CHRM3: variants seen among roughly 807,000 people sequenced by gnomAD.
CHRM3 encodes the protein muscarinic acetylcholine receptor M3.
CHRM3 carries 11 observed loss-of-function variants against 41.8 expected under a neutral mutation model. The ratio of observed to expected loss-of-function variants is 0.26; its 90% CI spans 0.17 to 0.44. The LOEUF is 0.44. CHRM3 is among the 20% of genes least tolerant of loss of function. The pLI is 1.00. For missense variants in CHRM3, 571 were observed against 745.4 expected, an observed-to-expected ratio of 0.77 and a Z score of 2.72; for synonymous variants, 297 against 301.4, an observed-to-expected ratio of 0.99 and a Z score of 0.15.
Position 239,914,617 on chromosome 1 carries a change from A to G in CHRM3, c.*5393A>G, listed in dbSNP as rs1431481420. On this transcript the variant is annotated 3_prime_UTR_variant, in exon 7 of 7. Transcript: ENST00000676153. ...TTACTGGATTGGTCAACAAAGACAA[A>G]CTTTTTATTGTATAAAACAGTAGAA... 1 of 167,074 alleles carries G rather than the reference A, an allele frequency of 6.0e-6. No individual in the cohort carries two copies. The highest frequency in any genetic ancestry group is 1.5e-5 in the Non-Finnish European group (1 of 68,108). The allele number at this position is 167,074 out of a possible 1,614,324, so 10.3% of individuals were successfully genotyped here.
chr1:239,903,628 T>C (rs1679746942), intron 6 of CHRM3, among the ~76,000 whole-genome samples: 1 of 152,088 alleles, frequency 6.6e-6, no homozygotes, highest in Non-Finnish European at 1.5e-5. Flanking sequence ...TAAATTCAGG[T>C]TTCAAAGGAC....
intron 4 of CHRM3, among the ~76,000 whole-genome samples, chr1:239,656,045 C>T (rs1352180072): frequency 3.3e-5 from 5 of 151,946 alleles, no homozygotes; most frequent in Non-Finnish European, 7.4e-5. Context: ...TGAATTAATG[C>T]AGAAATAGAA....
intron 1 of CHRM3, among the ~76,000 whole-genome samples, chr1:239,434,295 C>G (rs2103196535): frequency 6.6e-6 from 1 of 152,318 alleles, no homozygotes; most frequent in East Asian, 1.9e-4. Context: ...TGATCTCAGA[C>G]TCCATGTCTT....
intron 3 of CHRM3, among the ~76,000 whole-genome samples, chr1:239,602,403 T>C (rs988425966): frequency 6.6e-6 from 1 of 152,192 alleles, no homozygotes; most frequent in South Asian, 2.1e-4. Context: ...AGATTTTCAT[T>C]AGTGATGCAT....
chr1:239,845,914 A>C (rs1674224298), intron 6 of CHRM3, among the ~76,000 whole-genome samples: 1 of 152,192 alleles, frequency 6.6e-6, no homozygotes, highest in Admixed American at 6.5e-5. Context: ...ATAGAATTAG[A>C]CCTGAAGTTA....
At chr1:239,824,033 G>T (rs1034639315) in intron 5 of CHRM3, among the ~76,000 whole-genome samples, 1 of 151,990 alleles carries the variant, frequency 6.6e-6, no homozygotes, top group Non-Finnish European at 1.5e-5. Context: ...GCTGTGACTC[G>T]GGAGCATGTG....
chr1:239,793,653 A>T (rs1436304429), intron 5 of CHRM3, among the ~76,000 whole-genome samples: 1 of 152,116 alleles, frequency 6.6e-6, no homozygotes, highest in Admixed American at 6.5e-5. Context: ...GCATGAAAAC[A>T]TTTCACCTGC....
At chr1:239,639,435 T>G (rs1459837164) in intron 4 of CHRM3, among the ~76,000 whole-genome samples, 2 of 152,206 alleles carry the variant, frequency 1.3e-5, no homozygotes, top group African/African-American at 4.8e-5. Flanking sequence ...CCTCTTTTAT[T>G]TCATTGAGCA....
intron 4 of CHRM3, among the ~76,000 whole-genome samples, chr1:239,661,253 C>A (rs1673167132): frequency 6.6e-6 from 1 of 152,320 alleles, no homozygotes; most frequent in Admixed American, 6.5e-5. Context: ...GGCTGCTCCT[C>A]TCAATAACAT....
intron 4 of CHRM3, among the ~76,000 whole-genome samples, chr1:239,642,660 C>A (rs1353381196): frequency 6.6e-6 from 1 of 152,112 alleles, no homozygotes; most frequent in Non-Finnish European, 1.5e-5. Context: ...TCTAGTTATA[C>A]ATTCTTCTAA....
In CHRM3 at chr1:239,761,777, G is replaced by A. The variant is rs536647769; in HGVS notation, c.-146-65475G>A. 4.4e-4 allele frequency among the ~76,000 whole-genome samples: 67 copies of A among 152,286 alleles called. No homozygotes were observed. In the East Asian group the frequency reaches 0.013, roughly 29 times the overall value. ...CCAGTGGTCCTGTCCCTGGACGCAG[G>A]TGGATTTCTCACACGCTCACATTGA... is the stretch of plus-strand genomic sequence containing the variant. On this transcript the variant is annotated intron_variant, in intron 5 of 6. Coordinates refer to ENST00000676153, the MANE Select transcript of CHRM3 (RefSeq NM_001375978.1).
intron 6 of CHRM3, among the ~76,000 whole-genome samples, chr1:239,852,411 A>C (rs993812307): frequency 6.6e-6 from 1 of 152,176 alleles, no homozygotes; most frequent in Non-Finnish European, 1.5e-5. Context: ...TGACGATGAC[A>C]TGCTTGTGCA....
intron 6 of CHRM3, among the ~76,000 whole-genome samples, chr1:239,883,438 T>C (rs1482050873): frequency 1.3e-5 from 2 of 152,238 alleles, no homozygotes; most frequent in African/African-American, 4.8e-5. Context: ...TCCATTTATT[T>C]TGTTCATCCT....
At chr1:239,698,844 T>C (rs10802792) in intron 5 of CHRM3, among the ~76,000 whole-genome samples, 6,807 of 152,224 alleles carry the variant, frequency 0.045, 181 homozygotes, top group East Asian at 0.076. Context: ...CCTTCTTGCC[T>C]CACAGACCCA....
At chr1:239,689,875 T>A (rs1659536470) in intron 5 of CHRM3, among the ~76,000 whole-genome samples, 1 of 152,116 alleles carries the variant, frequency 6.6e-6, no homozygotes, top group African/African-American at 2.4e-5. Context: ...CCATGTTATT[T>A]TATGCCAATT....
Position 239,674,691 on chromosome 1 carries a change from C to T in CHRM3, c.-249-3495C>T, listed in dbSNP as rs568345447. 3.3e-5 allele frequency among the ~76,000 whole-genome samples: 4 copies of T among 122,870 alleles called. No homozygotes were observed. In the South Asian group the frequency reaches 7.9e-4, roughly 24 times the overall value. 80.6% of individuals were successfully genotyped at this position (122,870 alleles called of 152,430 possible). A position where few individuals can be genotyped will look rare whatever the true frequency, so the allele number is the denominator to read the frequency against. On this transcript the variant is annotated intron_variant, in intron 4 of 6. Transcript: ENST00000676153. ...CGCCACTGCACTCCAGCCTGAGCGA[C>T]AGACTGAGACTCCATCTCAAAAAAA...
At chr1:239,510,021 G>A (rs1190815404) in intron 2 of CHRM3, among the ~76,000 whole-genome samples, 3 of 152,234 alleles carry the variant, frequency 2.0e-5, no homozygotes, top group East Asian at 1.9e-4. Flanking sequence ...CCTGGGGGAC[G>A]GAGGTTACAG....
chr1:239,686,610 C>A (rs1305806782), intron 5 of CHRM3, among the ~76,000 whole-genome samples: 3 of 152,200 alleles, frequency 2.0e-5, no homozygotes, highest in Non-Finnish European at 4.4e-5. Context: ...TTTATTGCTA[C>A]TCCTCAGACT....
At chr1:239,682,460 A>C (rs1658661289) in intron 5 of CHRM3, among the ~76,000 whole-genome samples, 1 of 152,150 alleles carries the variant, frequency 6.6e-6, no homozygotes, top group Non-Finnish European at 1.5e-5. Context: ...TCTCTGAAAA[A>C]TCCATCATTT....
Sources: allele counts gnomAD v4.1 joint callset (sites outside exome capture counted in the v4.1 genomes callset), GRCh38; gene constraint gnomAD v4.1.1; transcripts MANE v1.5; gene names NCBI Gene and HGNC (gene_info 2026-07-23, HGNC 2026-07-21).